The following ZNF395 variants were observed in gnomAD, a reference collection of about 807,000 sequenced individuals.
The protein encoded by ZNF395 is HD gene regulatory region-binding protein 2.
ZNF395 carries 20 observed loss-of-function variants against 57.7 expected under a neutral mutation model. The observed-to-expected ratio is 0.35, with a 90% CI of 0.24 to 0.50. ZNF395 has a LOEUF of 0.50. Among genes scored for constraint, ZNF395 ranks in the 20% least tolerant of loss-of-function variants. The probability of loss-of-function intolerance (pLI) is 0.97; values close to 1 mark genes in which losing one functional copy is unlikely to be tolerated. For synonymous variants in ZNF395, 295 were observed against 275.9 expected, an observed-to-expected ratio of 1.07 and a Z score of -0.69; for missense variants, 606 against 671.2, an observed-to-expected ratio of 0.90 and a Z score of 1.07.
At chr8:28,376,233 T>C (rs1161951949) in intron 1 of ZNF395, among the ~76,000 whole-genome samples, 1 of 151,970 alleles carries the variant, frequency 6.6e-6, no homozygotes, top group Non-Finnish European at 1.5e-5. Context: ...CCTCAGCCTC[T>C]CAAAGCAGCT....
chr8:28,374,480 T>A (rs530070049), intron 1 of ZNF395, among the ~76,000 whole-genome samples: 442 of 152,240 alleles, frequency 2.9e-3, no homozygotes, highest in African/African-American at 9.9e-3. Context: ...AATTTTTTTT[T>A]TAAAAAGAAA....
chr8:28,371,914 T>A (rs910766268), intron 1 of ZNF395, among the ~76,000 whole-genome samples: 3 of 152,136 alleles, frequency 2.0e-5, no homozygotes, highest in Non-Finnish European at 4.4e-5. Context: ...CTGGACATGA[T>A]GGTGGGCACC....
chr8:28,357,524 T>C (rs1389553239), intron 3 of ZNF395, among the ~76,000 whole-genome samples: 1 of 152,240 alleles, frequency 6.6e-6, no homozygotes, highest in Non-Finnish European at 1.5e-5. Flanking sequence ...TAGTAAAAGT[T>C]AGTCTGAAAT....
chr8:28,363,079 T>C (rs772860105), intron 1 of ZNF395, among the ~76,000 whole-genome samples: 2 of 149,298 alleles, frequency 1.3e-5, no homozygotes, highest in African/African-American at 4.9e-5. Flanking sequence ...TTTGCCACTA[T>C]AAAGAAAAAA....
intron 1 of ZNF395, among the ~76,000 whole-genome samples, chr8:28,371,124 C>A (rs1453980757): frequency 6.6e-6 from 1 of 152,168 alleles, no homozygotes; most frequent in Non-Finnish European, 1.5e-5. Flanking sequence ...CCCAAGGCCA[C>A]GAAGCTAGAA....
At chr8:28,361,534 A>G (rs531256507) in intron 1 of ZNF395, among the ~76,000 whole-genome samples, 1 of 152,308 alleles carries the variant, frequency 6.6e-6, no homozygotes, top group African/African-American at 2.4e-5. Flanking sequence ...GCCACTCAGC[A>G]TTTTCCTAGG....
intron 3 of ZNF395, among the ~76,000 whole-genome samples, chr8:28,358,150 T>C (rs1242914523): frequency 4.1e-5 from 6 of 147,496 alleles, no homozygotes; most frequent in Non-Finnish European, 8.9e-5. Flanking sequence ...TTCTTTTTTT[T>C]CTTTTTTTTT....
chr8:28,346,915 C>T lies in ZNF395; in HGVS notation c.*1804G>A, dbSNP rs1801609948. On this transcript the variant is annotated 3_prime_UTR_variant, in exon 10 of 10. Transcript: ENST00000344423. The stretch of plus-strand genomic sequence containing the variant: ...CACCTCAGGCTAGCCTGGCTTTGAG[C>T]TTTACCAAGAGACAGAATTCCACAT... 1 of 151,694 alleles carries T rather than the reference C, an allele frequency of 6.6e-6. No individual in the cohort carries two copies. The highest frequency in any genetic ancestry group is 2.4e-5 in the African/African-American group (1 of 41,256). 9.4% of individuals were successfully genotyped at this position (151,694 alleles called of 1,614,324 possible). A position where few individuals can be genotyped will look rare whatever the true frequency, so the allele number is the denominator to read the frequency against.
chr8:28,380,233 A>C (rs1802092889), intron 1 of ZNF395, among the ~76,000 whole-genome samples: 1 of 152,238 alleles, frequency 6.6e-6, no homozygotes, highest in African/African-American at 2.4e-5. Flanking sequence ...CTACATCCCC[A>C]GAAGTGGTAT....
Position 28,351,677 on chromosome 8 carries a change from A to G in ZNF395, c.1051T>C (p.Ser351Pro). ...ATGCTGGGGGTGGGAGCTGGCTCGG[A>G]GGTGGGAGTCCCAGGGACTGGGGTG... ...AGTPVPGTPT[S>P]EPAPTPSMTG... Residue 351 changes from serine (S) to proline (P), a missense_variant, in exon 7 of 10, where the codon TCC becomes CCC. Physicochemically the swap from Ser to Pro is moderately conservative, Grantham distance 74. Around this residue, in one of 3 missense-constraint regions of ZNF395, gnomAD observed 261 missense variants for 240.3 expected, o/e 1.09. Coordinates refer to ENST00000344423, the MANE Select transcript of ZNF395 (RefSeq NM_018660.3). 6.2e-7 allele frequency: 1 copy of G among 1,612,264 alleles called. No homozygotes were observed. Among genetic ancestry groups the G allele is most frequent in the Non-Finnish European group, 8.5e-7 (1 of 1,179,860 alleles).
intron 1 of ZNF395, chr8:28,368,540 A>T (rs1035354920): frequency 1.3e-5 from 2 of 152,142 alleles, no homozygotes; most frequent in African/African-American, 4.8e-5. Flanking sequence ...ACAAGTGGAG[A>T]CCCAGCAGCA....
At chr8:28,363,113 TG>T (rs1801869846) in intron 1 of ZNF395, among the ~76,000 whole-genome samples, 1 of 151,384 alleles carries the variant, frequency 6.6e-6, no homozygotes, top group African/African-American at 2.4e-5. Flanking sequence ...CTAAATTGGT[TG>T]TTTTTTTTTT....
intron 1 of ZNF395, among the ~76,000 whole-genome samples, chr8:28,366,273 C>T (rs1235145054): frequency 2.0e-5 from 3 of 152,126 alleles, no homozygotes; most frequent in African/African-American, 4.8e-5. Context: ...ATTATCTCCA[C>T]CGGGTATCAC....
At chr8:28,360,627 G>C (rs1307328143) in intron 2 of ZNF395, among the ~76,000 whole-genome samples, 2 of 152,244 alleles carry the variant, frequency 1.3e-5, no homozygotes, top group Non-Finnish European at 2.9e-5. Flanking sequence ...CTGAGGTTTT[G>C]AGCAAGCCAA....
At chr8:28,370,400 C>T (rs181093820) in intron 1 of ZNF395, among the ~76,000 whole-genome samples, 4 of 152,290 alleles carry the variant, frequency 2.6e-5, no homozygotes, top group Admixed American at 2.6e-4. Flanking sequence ...ACGTATTTTT[C>T]TCTGGAGGAA....
At chr8:28,367,611 T>C (rs528803655) in intron 1 of ZNF395, among the ~76,000 whole-genome samples, 1 of 152,286 alleles carries the variant, frequency 6.6e-6, no homozygotes, top group Non-Finnish European at 1.5e-5. Context: ...CCTTCACACC[T>C]ACCTCCCCAT....
At chr8:28,369,343 G>A (rs571540752) in intron 1 of ZNF395, among the ~76,000 whole-genome samples, 45 of 152,224 alleles carry the variant, frequency 3.0e-4, no homozygotes, top group Middle Eastern at 6.8e-3. Flanking sequence ...ATGCCAAACC[G>A]ACAGGCAGGG....
intron 1 of ZNF395, 140 bp downstream of exon 1, chr8:28,386,253 C>G (rs905392606): frequency 2.0e-5 from 3 of 151,132 alleles, no homozygotes; most frequent in Non-Finnish European, 4.4e-5. Context: ...GATTCCCGCC[C>G]GGGAAGGGAG....
chr8:28,352,935 G>A lies in ZNF395; in HGVS notation c.819+238C>T, dbSNP rs1254606525. On this transcript the variant is annotated intron_variant, in intron 5 of 9. Coordinates refer to ENST00000344423, the MANE Select transcript of ZNF395 (RefSeq NM_018660.3). This position sits in a 1 kb window ranked among gnomAD's most constrained non-coding sequence, Gnocchi z 4.0. ...GGCCTCTCCCACGCAGACCTCTGCA[G>A]AAACACAGGAAAGAAGGCAGGGATT... is the stretch of plus-strand genomic sequence containing the variant. Among the ~76,000 whole-genome samples the A allele has an allele frequency of 6.6e-6, 1 of 152,234 alleles. No individual in the cohort carries two copies. Among genetic ancestry groups the A allele is most frequent in the Middle Eastern group, 3.2e-3 (1 of 316 alleles).
Sources: allele counts gnomAD v4.1 joint callset (sites outside exome capture counted in the v4.1 genomes callset), GRCh38; gene constraint gnomAD v4.1.1; regional missense constraint gnomAD v4.1.1; non-coding constraint Gnocchi (gnomAD v3.1); transcripts MANE v1.5; gene names NCBI Gene and HGNC (gene_info 2026-07-23, HGNC 2026-07-21).